The following AGTPBP1 variants were observed in gnomAD, a reference collection of about 807,000 sequenced individuals.
AGTPBP1 encodes ATP/GTP binding carboxypeptidase 1.
AGTPBP1 carries 70 observed loss-of-function variants against 143.9 expected under a neutral mutation model. The ratio of observed to expected loss-of-function variants is 0.49; its 90% CI spans 0.40 to 0.59. The LOEUF (loss-of-function observed/expected upper bound fraction) is 0.59. Among genes scored for constraint, AGTPBP1 ranks in the 20% least tolerant of loss-of-function variants. AGTPBP1 has a pLI of 0.00. For missense variants in AGTPBP1, 1,229 were observed against 1,464.5 expected, an observed-to-expected ratio of 0.84 and a Z score of 2.62; for synonymous variants, 463 against 500.2, an observed-to-expected ratio of 0.93 and a Z score of 0.99.
At chr9:85,781,346 G>A in the AGTPBP1 span, 37 of 1,562,140 alleles carry the variant, frequency 2.4e-5, no homozygotes, top group Non-Finnish European at 3.0e-5. Context: ...GCAATTCGGC[G>A]GCAACTAGCA....
intron 17 of AGTPBP1, among the ~76,000 whole-genome samples, chr9:85,610,829 T>A (rs1830268965): frequency 6.6e-6 from 1 of 152,222 alleles, no homozygotes; most frequent in African/African-American, 2.4e-5. Flanking sequence ...CAATGTTAAA[T>A]TCTAGTTTAC....
intron 17 of AGTPBP1, among the ~76,000 whole-genome samples, chr9:85,617,915 G>A (rs1307352754): frequency 6.6e-6 from 1 of 152,068 alleles, no homozygotes; most frequent in Non-Finnish European, 1.5e-5. Context: ...GATAAAAGAG[G>A]TAATTTGAAT....
At chr9:85,708,449 C>T (rs141916955) in intron 2 of AGTPBP1, among the ~76,000 whole-genome samples, 1 of 152,312 alleles carries the variant, frequency 6.6e-6, no homozygotes, top group East Asian at 1.9e-4. Flanking sequence ...ACCATAGACA[C>T]AAATTACCAA....
At chr9:85,660,150 G>A (rs938298858) in intron 9 of AGTPBP1, among the ~76,000 whole-genome samples, 1 of 151,994 alleles carries the variant, frequency 6.6e-6, no homozygotes, top group Non-Finnish European at 1.5e-5. Context: ...CTGACAGACA[G>A]TTCTTGATGA....
At chr9:85,618,801 ACT>A (rs1404612390) in intron 17 of AGTPBP1, among the ~76,000 whole-genome samples, 180 bp downstream of exon 17, 1 of 152,024 alleles carries the variant, frequency 6.6e-6, no homozygotes, top group Non-Finnish European at 1.5e-5. Context: ...TATAAGAGTA[ACT>A]CTTTTTCACC....
chr9:85,805,088 G>A, the AGTPBP1 span, among the ~76,000 whole-genome samples: 6 of 152,128 alleles, frequency 3.9e-5, no homozygotes, highest in African/African-American at 1.4e-4. Flanking sequence ...CCGTGGCGCC[G>A]CCGCCCACGT....
At chr9:85,783,149 A>C in the AGTPBP1 span, among the ~76,000 whole-genome samples, 3,067 of 152,332 alleles carry the variant, frequency 0.02, 98 homozygotes, top group African/African-American at 0.069. Context: ...AACCAAACAC[A>C]CACACAAATC....
intron 2 of AGTPBP1, among the ~76,000 whole-genome samples, chr9:85,694,869 A>G (rs952928808): frequency 5.3e-5 from 8 of 152,186 alleles, no homozygotes; most frequent in South Asian, 2.1e-4. Context: ...TCCTCTTCCA[A>G]TCTTAACCTT....
intron 1 of AGTPBP1, among the ~76,000 whole-genome samples, chr9:85,726,568 C>T (rs1838510320): frequency 6.6e-6 from 1 of 152,176 alleles, no homozygotes; most frequent in African/African-American, 2.4e-5. Flanking sequence ...CATCAAGAGA[C>T]ATAAAACAAG....
At chr9:85,610,556 T>C (rs1830253059) in intron 17 of AGTPBP1, among the ~76,000 whole-genome samples, 1 of 152,268 alleles carries the variant, frequency 6.6e-6, no homozygotes, top group East Asian at 1.9e-4. Flanking sequence ...CTGTTCCTTT[T>C]TGGGGACACT....
At chr9:85,661,196 A>T (rs1365362151) in intron 8 of AGTPBP1, among the ~76,000 whole-genome samples, 3 of 152,098 alleles carry the variant, frequency 2.0e-5, no homozygotes, top group African/African-American at 7.2e-5. Flanking sequence ...AGGAACAAAA[A>T]AAATGTTTTG....
At chr9:85,755,845 G>A in the AGTPBP1 span, among the ~76,000 whole-genome samples, 2 of 152,130 alleles carry the variant, frequency 1.3e-5, no homozygotes, top group Non-Finnish European at 2.9e-5. Flanking sequence ...ATCCTAGACT[G>A]TTTAACATAT....
the AGTPBP1 span, among the ~76,000 whole-genome samples, chr9:85,801,397 C>A: frequency 6.6e-6 from 1 of 152,144 alleles, no homozygotes; most frequent in African/African-American, 2.4e-5. Flanking sequence ...TACAGGCATG[C>A]AATGTGTAAT....
At chr9:85,804,042 C>A in the AGTPBP1 span, among the ~76,000 whole-genome samples, 1 of 152,070 alleles carries the variant, frequency 6.6e-6, no homozygotes, top group Non-Finnish European at 1.5e-5. Context: ...TCATCATTAC[C>A]TTTTACCTGG....
At chr9:85,677,896 T>G (rs553825039) in intron 5 of AGTPBP1, among the ~76,000 whole-genome samples, 1 of 152,106 alleles carries the variant, frequency 6.6e-6, no homozygotes, top group East Asian at 1.9e-4. Flanking sequence ...CCCAGCTACT[T>G]GGGAGTCTGA....
chr9:85,603,539 G>A (rs1055599836), intron 17 of AGTPBP1, among the ~76,000 whole-genome samples: 1 of 152,164 alleles, frequency 6.6e-6, no homozygotes, highest in African/African-American at 2.4e-5. Context: ...TGCAAGCCTT[G>A]GGTGAGACAT....
rs747817103 is a variant in AGTPBP1, at chr9:85,681,313, T to C, written c.180A>G (p.Thr60=). ...QSQEKTRREM[T]AKGSTGMEIL... Reference sequence around the variant, plus strand: ...TTTCCATTCCTGTAGAACCTTTGGCTGTCATTTCTCTCCTTGTTTTTTCTG... The same window carrying C: ...TTTCCATTCCTGTAGAACCTTTGGCCGTCATTTCTCTCCTTGTTTTTTCTG... Residue 60 remains threonine, a synonymous_variant, in exon 4 of 26, where the codon ACA becomes ACG. Transcript: ENST00000357081. The C allele has an allele frequency of 1.2e-6, 2 of 1,611,870 alleles. No homozygotes were observed. Among genetic ancestry groups the C allele is most frequent in the Non-Finnish European group, 1.7e-6 (2 of 1,179,548 alleles).
chr9:85,759,345 T>A, the AGTPBP1 span, among the ~76,000 whole-genome samples: 418 of 152,270 alleles, frequency 2.7e-3, 2 homozygotes, highest in African/African-American at 8.6e-3. Context: ...ATCACACTTA[T>A]TCCAAAATTG....
intron 25 of AGTPBP1, 103 bp from the exon 26 acceptor site, chr9:85,547,389 T>A: frequency 1.0e-6 from 1 of 970,844 alleles, no homozygotes; most frequent in Non-Finnish European, 1.4e-6. Flanking sequence ...CAATATAATA[T>A]AAGCTGCATT....
Sources: gnomAD v4.1 joint callset for allele counts (sites outside exome capture counted in the v4.1 genomes callset) on GRCh38, gnomAD v4.1.1 for gene constraint, MANE v1.5 for transcripts, NCBI Gene and HGNC (gene_info 2026-07-23, HGNC 2026-07-21) for gene names.